PDE10A: variants seen among roughly 807,000 people sequenced by gnomAD.
PDE10A encodes the protein phosphodiesterase 10A, also known as cAMP and cAMP-inhibited cGMP 3',5'-cyclic phosphodiesterase 10A.
In PDE10A, 39 loss-of-function variants were observed where a neutral mutation model predicts 97.7. The observed-to-expected ratio is 0.40, with a 90% CI of 0.31 to 0.52. PDE10A has a LOEUF of 0.52. Among genes scored for constraint, PDE10A ranks in the 20% least tolerant of loss-of-function variants. The probability of loss-of-function intolerance (pLI) is 0.56; values close to 1 mark genes in which losing one functional copy is unlikely to be tolerated. For synonymous variants in PDE10A, 371 were observed against 376.8 expected, an observed-to-expected ratio of 0.98 and a Z score of 0.18; for missense variants, 731 against 1,047.8, an observed-to-expected ratio of 0.70 and a Z score of 4.17.
At chr6:165,680,327 C>G (rs189925138) in intron 1 of PDE10A, among the ~76,000 whole-genome samples, 48 of 152,290 alleles carry the variant, frequency 3.2e-4, no homozygotes, top group African/African-American at 1.2e-3. Flanking sequence ...CAAGAAGGAT[C>G]ACCATTCAGC....
rs559469319 is a variant in PDE10A at position 165,785,293 on chromosome 6, T to C, written c.-615+202236A>G. ...TAGCTACTCAGTAAATACTAGTAGT[T>C]ATTCTCATTTTTCCCCATATACTCC... On this transcript the variant is annotated intron_variant, in intron 1 of 19. Coordinates refer to the PDE10A transcript ENST00000366882. Among the ~76,000 whole-genome samples the C allele has an allele frequency of 7.6e-4, 116 of 152,366 alleles. 1 individual carries two copies. The highest frequency in any genetic ancestry group is 5.4e-3 in the Admixed American group (83 of 15,308).
At chr6:165,754,417 C>G (rs1225713704) in intron 1 of PDE10A, 4 of 152,208 alleles carry the variant, frequency 2.6e-5, no homozygotes, top group Non-Finnish European at 5.9e-5. Flanking sequence ...TCACTACTAA[C>G]TACAATTACT....
chr6:165,460,121 G>A (rs144317781), intron 3 of PDE10A, among the ~76,000 whole-genome samples: 6 of 152,180 alleles, frequency 3.9e-5, no homozygotes, highest in East Asian at 1.9e-4. Flanking sequence ...TGCCACAGCC[G>A]GTAGTGCCGC....
At chr6:165,542,137 C>CA (rs1484525107) in intron 2 of PDE10A, among the ~76,000 whole-genome samples, 2 of 152,068 alleles carry the variant, frequency 1.3e-5, no homozygotes, top group Non-Finnish European at 2.9e-5. Context: ...AGTTATACAA[C>CA]AAACCTCCTA....
intron 18 of PDE10A, among the ~76,000 whole-genome samples, chr6:165,367,414 T>A (rs1047009422): frequency 1.3e-5 from 2 of 151,942 alleles, no homozygotes; most frequent in African/African-American, 4.8e-5. Context: ...CTTAATAACC[T>A]GTAACACAGT....
At chr6:165,543,695 G>A in intron 1 of PDE10A, 127 bp from the exon 2 acceptor site, 1 of 669,386 alleles carries the variant, frequency 1.5e-6, no homozygotes, top group Non-Finnish European at 2.3e-6. Context: ...GGGCTGGAAA[G>A]AGCGGGAAGG....
chr6:165,447,736 A>G (rs1167557778), intron 5 of PDE10A, among the ~76,000 whole-genome samples: 1 of 152,236 alleles, frequency 6.6e-6, no homozygotes, highest in Non-Finnish European at 1.5e-5. Flanking sequence ...AGTGGTAGTA[A>G]TATCTGAATA....
intron 1 of PDE10A, among the ~76,000 whole-genome samples, chr6:165,783,382 A>C (rs1778397881): frequency 6.6e-6 from 1 of 152,136 alleles, no homozygotes; most frequent in Admixed American, 6.5e-5. Context: ...TTTATCCCCC[A>C]CTGTAGCATG....
At chr6:165,856,431 C>A (rs1420920634) in intron 1 of PDE10A, among the ~76,000 whole-genome samples, 1 of 152,190 alleles carries the variant, frequency 6.6e-6, no homozygotes, top group Non-Finnish European at 1.5e-5. Context: ...CTCTTTCCAG[C>A]AGCCAAGAGA....
chr6:165,580,978 A>G lies in PDE10A; in HGVS notation c.866-37410T>C, dbSNP rs150665650. Among the ~76,000 whole-genome samples the G allele has an allele frequency of 2.5e-3, 380 of 152,380 alleles. 3 individuals carry two copies. The highest frequency in any genetic ancestry group is 8.8e-3 in the African/African-American group (365 of 41,592). The stretch of plus-strand genomic sequence containing the variant: ...CCTACCCAGTGAGAAAGAAGATGGT[A>G]AGTTCAATTTTTGACTTGTTAAATT... On this transcript the variant is annotated intron_variant, in intron 1 of 21. Coordinates refer to ENST00000539869, the MANE Select transcript of PDE10A (RefSeq NM_001385079.1).
chr6:165,954,510 A>T lies in PDE10A; in HGVS notation c.-615+33019T>A, dbSNP rs1784070481. ...CCATCAGTTAGGAACACAAAACTCA[A>T]CCAGCAGAGCATAAAACAGGGTTAG... is the stretch of plus-strand genomic sequence containing the variant. On this transcript the variant is annotated intron_variant, in intron 1 of 19. Transcript: ENST00000366882. Among the ~76,000 whole-genome samples the T allele has an allele frequency of 2.0e-5, 3 of 152,266 alleles. No individual in the cohort carries two copies. In the South Asian group the frequency reaches 6.2e-4, roughly 32 times the overall value.
At chr6:165,893,944 G>A (rs1562786411) in intron 1 of PDE10A, among the ~76,000 whole-genome samples, 1 of 151,490 alleles carries the variant, frequency 6.6e-6, no homozygotes, top group African/African-American at 2.4e-5. Flanking sequence ...TCAGGTCAAA[G>A]TTGGCAATGA....
chr6:165,646,256 C>T (rs1479836998), intron 1 of PDE10A, among the ~76,000 whole-genome samples: 1 of 152,200 alleles, frequency 6.6e-6, no homozygotes, highest in Non-Finnish European at 1.5e-5. Context: ...GGAAACGGCT[C>T]TCCATTTTCT....
chr6:165,538,400 T>C (rs956809387), intron 2 of PDE10A, among the ~76,000 whole-genome samples: 5 of 152,188 alleles, frequency 3.3e-5, no homozygotes, highest in African/African-American at 1.2e-4. Context: ...ATAAAATTAC[T>C]GCCCACAAAA....
At chr6:165,760,280 T>G (rs565630183) in intron 1 of PDE10A, among the ~76,000 whole-genome samples, 1 of 152,276 alleles carries the variant, frequency 6.6e-6, no homozygotes, top group South Asian at 2.1e-4. Context: ...AAGCCTAGAA[T>G]TGAAAGTGAT....
At chr6:165,560,269 T>TTC in intron 1 of PDE10A, among the ~76,000 whole-genome samples, 1 of 152,234 alleles carries the variant, frequency 6.6e-6, no homozygotes, top group African/African-American at 2.4e-5. Flanking sequence ...AGCCATATGC[T>TTC]AAGAAATGTA....
At chr6:165,384,704 T>C (rs1785176715) in intron 17 of PDE10A, among the ~76,000 whole-genome samples, 1 of 150,204 alleles carries the variant, frequency 6.7e-6, no homozygotes, top group African/African-American at 2.5e-5. Flanking sequence ...GCTTTTCAAG[T>C]CTATTGTATT....
intron 1 of PDE10A, among the ~76,000 whole-genome samples, chr6:165,797,804 C>A (rs1778869150): frequency 1.3e-5 from 2 of 152,282 alleles, no homozygotes; most frequent in Admixed American, 6.5e-5. Flanking sequence ...AAACCTTACA[C>A]ATACACAGCA....
In PDE10A at chr6:165,428,601, T is replaced by C. The variant is rs545335; in HGVS notation, c.1653+57A>G. ...ATAAGTTTAAATGTTATGCCATATA[T>C]TAGCACCATGGGCCTAAGGGTTAAA... On this transcript the variant is annotated intron_variant, in intron 10 of 21. Transcript: ENST00000539869. The C allele has an allele frequency of 1.7e-3, 1,239 of 735,362 alleles. 12 individuals are homozygous for C. In the African/African-American group the frequency reaches 0.019, roughly 12 times the overall value. 45.6% of individuals were successfully genotyped at this position (735,362 alleles called of 1,614,324 possible). A position where few individuals can be genotyped will look rare whatever the true frequency, so the allele number is the denominator to read the frequency against.
Sources: gnomAD v4.1 joint callset for allele counts (sites outside exome capture counted in the v4.1 genomes callset) on GRCh38, gnomAD v4.1.1 for gene constraint, MANE v1.5 for transcripts, NCBI Gene and HGNC (gene_info 2026-07-23, HGNC 2026-07-21) for gene names.